PTPRM: variants seen among roughly 807,000 people sequenced by gnomAD.
PTPRM encodes protein tyrosine phosphatase receptor type M, also known as receptor-type tyrosine-protein phosphatase mu.
In PTPRM, 47 loss-of-function variants were observed where a neutral mutation model predicts 186.7. That is an observed-to-expected ratio of 0.25 (90% CI 0.20 to 0.32). The LOEUF (loss-of-function observed/expected upper bound fraction) is 0.32. PTPRM is among the 10% of genes least tolerant of loss of function. The pLI is 1.00. For synonymous variants in PTPRM, 668 were observed against 674.9 expected, an observed-to-expected ratio of 0.99 and a Z score of 0.16; for missense variants, 1,494 against 1,865.0, an observed-to-expected ratio of 0.80 and a Z score of 3.66.
intron 4 of PTPRM, among the ~76,000 whole-genome samples, chr18:7,916,819 G>A (rs2050587760): frequency 6.6e-6 from 1 of 151,880 alleles, no homozygotes; most frequent in Non-Finnish European, 1.5e-5. Flanking sequence ...TCTATTAATA[G>A]GTATTTGCAA....
At chr18:7,651,973 A>G (rs878986896) in intron 1 of PTPRM, among the ~76,000 whole-genome samples, 1 of 152,166 alleles carries the variant, frequency 6.6e-6, no homozygotes, top group Non-Finnish European at 1.5e-5. Context: ...GCAACCCACA[A>G]AATGGGAGAA....
At chr18:7,575,266 C>G (rs748177435) in intron 1 of PTPRM, among the ~76,000 whole-genome samples, 3 of 152,164 alleles carry the variant, frequency 2.0e-5, no homozygotes, top group Non-Finnish European at 2.9e-5. Context: ...TCCCTGCTGC[C>G]GGTTGCTCCT....
chr18:8,335,234 A>ACCCCCCCCCCCCCCCC (rs2095432383), intron 22 of PTPRM, among the ~76,000 whole-genome samples: 1 of 82,466 alleles, frequency 1.2e-5, no homozygotes, highest in Non-Finnish European at 2.4e-5. Flanking sequence ...TGCTATCCCC[A>ACCCCCCCCCCCCCCCC]CCCTCCCTCC....
intron 1 of PTPRM, among the ~76,000 whole-genome samples, chr18:7,699,534 G>A (rs1351442383): frequency 1.3e-5 from 2 of 151,858 alleles, no homozygotes; most frequent in African/African-American, 2.4e-5. Flanking sequence ...TCAGCCTCCT[G>A]AGTAGTTGGG....
intron 3 of PTPRM, among the ~76,000 whole-genome samples, chr18:7,900,950 CG>C (rs534436665): frequency 5.6e-4 from 85 of 152,174 alleles, no homozygotes; most frequent in African/African-American, 1.9e-3. Flanking sequence ...TATTTTGTTC[CG>C]TTTCATAAAA....
chr18:7,881,700 G>T, intron 2 of PTPRM, among the ~76,000 whole-genome samples: 1 of 152,162 alleles, frequency 6.6e-6, no homozygotes, highest in East Asian at 1.9e-4. Context: ...TTTTGTTCCC[G>T]TACCCTCTTC....
At chr18:7,842,947 T>TATATATATATATATAGAG (rs370746043) in intron 2 of PTPRM, among the ~76,000 whole-genome samples, 34 of 112,110 alleles carry the variant, frequency 3.0e-4, no homozygotes, top group African/African-American at 6.7e-4. Flanking sequence ...TATATATATA[T>TATATATATATATATAGAG]AGAGAGAGAG....
At chr18:8,300,202 AG>A (rs2095141407) in intron 20 of PTPRM, among the ~76,000 whole-genome samples, 2 of 152,166 alleles carry the variant, frequency 1.3e-5, no homozygotes, top group South Asian at 4.1e-4. Context: ...TTGCAGGAGA[AG>A]GGTGAGTGGA....
At chr18:7,666,758 G>A (rs1373656288) in intron 1 of PTPRM, among the ~76,000 whole-genome samples, 15 of 152,154 alleles carry the variant, frequency 9.9e-5, no homozygotes, top group Non-Finnish European at 1.5e-5. Flanking sequence ...TATATCCAAT[G>A]TAAACAATTT....
At chr18:7,604,211 C>A (rs536792860) in intron 1 of PTPRM, among the ~76,000 whole-genome samples, 2 of 152,040 alleles carry the variant, frequency 1.3e-5, no homozygotes, top group Non-Finnish European at 2.9e-5. Flanking sequence ...CTTTTCATGC[C>A]GAGCAGGGCT....
chr18:7,914,731 A>G (rs1417321285), intron 4 of PTPRM, among the ~76,000 whole-genome samples: 1 of 152,158 alleles, frequency 6.6e-6, no homozygotes, highest in Non-Finnish European at 1.5e-5. Context: ...GTTTAATTGT[A>G]TGTCCATCGT....
Position 7,854,548 on chromosome 18 carries a change from G to C in PTPRM, c.197-33558G>C, listed in dbSNP as rs149561915. Reference sequence around the variant, plus strand: ...ATACTGGCAGGTACTTGAAAATGCAGGTAGCAGAACAGAAATTCTTTGGCT... The same window carrying C: ...ATACTGGCAGGTACTTGAAAATGCACGTAGCAGAACAGAAATTCTTTGGCT... On this transcript the variant is annotated intron_variant, in intron 2 of 32. Coordinates refer to ENST00000580170, the MANE Select transcript of PTPRM (RefSeq NM_001105244.2). Among the ~76,000 whole-genome samples the C allele has an allele frequency of 8.0e-4, 122 of 152,110 alleles. 7 individuals carry two copies. The East Asian group carries it at 0.022, about 28-fold the overall frequency.
At chr18:8,175,344 C>T (rs1484304160) in intron 14 of PTPRM, among the ~76,000 whole-genome samples, 1 of 152,134 alleles carries the variant, frequency 6.6e-6, no homozygotes, top group Admixed American at 6.5e-5. Flanking sequence ...AAGACTTCTA[C>T]AACTGGAGTG....
chr18:8,239,331 T>C (rs1209273236), intron 14 of PTPRM, among the ~76,000 whole-genome samples: 4 of 152,058 alleles, frequency 2.6e-5, no homozygotes, highest in Non-Finnish European at 5.9e-5. Flanking sequence ...AAGAGCAGGC[T>C]TTGTTAAGAA....
At chr18:8,111,893 G>A (rs1162280402) in intron 11 of PTPRM, among the ~76,000 whole-genome samples, 1 of 152,192 alleles carries the variant, frequency 6.6e-6, no homozygotes, top group Non-Finnish European at 1.5e-5. Context: ...GATTTCAAGA[G>A]AATGGTCACG....
chr18:7,992,676 A>G (rs2147648751), intron 7 of PTPRM, among the ~76,000 whole-genome samples: 1 of 152,282 alleles, frequency 6.6e-6, no homozygotes, highest in East Asian at 1.9e-4. Flanking sequence ...CTGGGAAACT[A>G]TGACTTTAAG....
intron 7 of PTPRM, among the ~76,000 whole-genome samples, chr18:7,981,560 TCCCATACTTGCCC>T (rs1411907525): frequency 6.6e-6 from 1 of 152,184 alleles, no homozygotes; most frequent in Admixed American, 6.5e-5. Flanking sequence ...GTTCTCTGGC[TCCCATACTTGCCC>T]CGGAGGAATG....
chr18:8,323,599 A>T (rs1321112243), intron 22 of PTPRM, among the ~76,000 whole-genome samples: 1 of 152,028 alleles, frequency 6.6e-6, no homozygotes, highest in African/African-American at 2.4e-5. Context: ...GAACTGTGCT[A>T]ATTTGACAGG....
At chr18:7,870,634 A>G (rs530914098) in intron 2 of PTPRM, among the ~76,000 whole-genome samples, 21 of 152,166 alleles carry the variant, frequency 1.4e-4, no homozygotes, top group Admixed American at 7.2e-4. Context: ...TCTTCATTAC[A>G]CTGCCTACCA....
Sources: allele counts gnomAD v4.1 joint callset (sites outside exome capture counted in the v4.1 genomes callset), GRCh38; gene constraint gnomAD v4.1.1; transcripts MANE v1.5; gene names NCBI Gene and HGNC (gene_info 2026-07-23, HGNC 2026-07-21).